Variants in PKHD1L1 observed in about 807,000 individuals in gnomAD.
PKHD1L1 encodes fibrocystin-L.
PKHD1L1 carries 434 observed loss-of-function variants against 462.9 expected under a neutral mutation model. The ratio of observed to expected loss-of-function variants is 0.94; its 90% CI spans 0.87 to 1.02. PKHD1L1 has a LOEUF of 1.02. PKHD1L1 is among the 50% of genes least tolerant of loss of function. The pLI is 0.00. For synonymous variants in PKHD1L1, 1,781 were observed against 1,750.0 expected, an observed-to-expected ratio of 1.02 and a Z score of -0.44; for missense variants, 5,202 against 5,096.1, an observed-to-expected ratio of 1.02 and a Z score of -0.63.
Position 109,435,259 on chromosome 8 carries a change from A to G in PKHD1L1, c.3410A>G (p.Asp1137Gly). Residue 1137 changes from aspartate to glycine, a missense_variant, in exon 29 of 78, where the codon GAT (aspartate) becomes GGT (glycine). By Grantham distance (94) the Asp-to-Gly change is moderately conservative. This residue lies in a region of PKHD1L1 where 4,497 missense variants were observed against 4,336.8 expected (regional missense o/e 1.04). Coordinates refer to ENST00000378402, the MANE Select transcript of PKHD1L1 (RefSeq NM_177531.6). The stretch of plus-strand genomic sequence containing the variant: ...GCCCCCGTTGCTGTGTCCATGGCTG[A>G]TGTTGGACTAGCACAGAATGTAGGG... Reference protein sequence around the residue: ...GHAPVAVSMADVGLAQNVGGE... With the variant: ...GHAPVAVSMAGVGLAQNVGGE... 2 of 1,613,886 alleles carry G rather than the reference A, an allele frequency of 1.2e-6. No individual in the cohort carries two copies. Among genetic ancestry groups the G allele is most frequent in the African/African-American group, 2.7e-5 (2 of 75,026 alleles).
rs1460955878 is a variant in PKHD1L1 at position 109,389,106 on chromosome 8, T to C, written c.651T>C (p.Asn217=). The change falls in exon 8 of 78, where the codon AAT becomes AAC. Residue 217 remains asparagine, a synonymous_variant. Transcript: ENST00000378402. ...NLYGLKLDHP[N]GDMGSMVCKT... is the part of the protein sequence containing the mutation. ...ATGGTCTAAAACTGGATCATCCAAATGGAGATATGGGTTCTATGGTTTGTA... is the reference window on the plus strand; with the variant it reads ...ATGGTCTAAAACTGGATCATCCAAACGGAGATATGGGTTCTATGGTTTGTA... 6.2e-7 allele frequency: 1 copy of C among 1,610,808 alleles called. No homozygotes were observed. The highest frequency in any genetic ancestry group is 2.2e-5 in the East Asian group (1 of 44,752).
intron 28 of PKHD1L1, among the ~76,000 whole-genome samples, chr8:109,433,833 G>A (rs1168297124): frequency 6.6e-6 from 1 of 151,984 alleles, no homozygotes; most frequent in Admixed American, 6.6e-5. Context: ...GTTCTTTTAT[G>A]CATTGTTAAG....
Position 109,443,814 on chromosome 8 carries a change from T to C in PKHD1L1, c.4703T>C (p.Ile1568Thr). ...FEVSSCFSPS[I>T]SNITPSTGTV... ...GTTTCAAGTTGTTTTTCACCATCTA[T>C]AAGCAACATTACTCCGTCCACTGGA... is the stretch of plus-strand genomic sequence containing the variant. The change falls in exon 37 of 78, where the codon ATA becomes ACA. Residue 1568 changes from isoleucine to threonine, a missense_variant. Physicochemically the swap from Ile to Thr is moderately conservative, Grantham distance 89. This residue lies in a region of PKHD1L1 where 4,497 missense variants were observed against 4,336.8 expected (regional missense o/e 1.04). Coordinates refer to ENST00000378402, the MANE Select transcript of PKHD1L1 (RefSeq NM_177531.6). 3 of 1,613,844 alleles carry C rather than the reference T, an allele frequency of 1.9e-6. No homozygotes were observed. Among genetic ancestry groups the C allele is most frequent in the Non-Finnish European group, 2.5e-6 (3 of 1,179,772 alleles).
chr8:109,493,581 T>G (rs1818935958), intron 62 of PKHD1L1, 80 bp from the exon 63 acceptor site: 1 of 795,836 alleles, frequency 1.3e-6, no homozygotes, highest in Non-Finnish European at 1.9e-6. Context: ...TTCATAAGTG[T>G]ATTGTCATAT....
intron 73 of PKHD1L1, among the ~76,000 whole-genome samples, chr8:109,519,391 G>A (rs1043485246): frequency 1.2e-4 from 19 of 152,052 alleles, no homozygotes; most frequent in African/African-American, 4.6e-4. Flanking sequence ...ATACCAAGGG[G>A]CTGTTCTGGC....
At chr8:109,369,288 T>C (rs188018311) in intron 2 of PKHD1L1, among the ~76,000 whole-genome samples, 4 of 152,222 alleles carry the variant, frequency 2.6e-5, no homozygotes, top group African/African-American at 9.6e-5. Flanking sequence ...AGAATTATAC[T>C]TTTAAGTTAA....
rs1223131937 is a variant in PKHD1L1 at position 109,498,045 on chromosome 8, A to AT, written c.10600-414dup. Among the ~76,000 whole-genome samples the AT allele has an allele frequency of 2.4e-5, 3 of 127,002 alleles. No homozygotes were observed. In the East Asian group the frequency reaches 7.3e-4, roughly 31 times the overall value. The allele number at this position is 127,002 out of a possible 152,430, so 83.3% of individuals were successfully genotyped here. On this transcript the variant is annotated intron_variant, in intron 65 of 77. Coordinates refer to ENST00000378402, the MANE Select transcript of PKHD1L1 (RefSeq NM_177531.6). ...TTTTTGAATTTATAGTTTGCATTTTATTTACTACAGTAGAATTTAGTACTA... is the reference window on the plus strand; with the variant it reads ...TTTTTGAATTTATAGTTTGCATTTTATTTTACTACAGTAGAATTTAGTACTA...
chr8:109,499,006 A>C (rs1026450801), intron 67 of PKHD1L1: 2 of 478,502 alleles, frequency 4.2e-6, no homozygotes, highest in African/African-American at 1.9e-5. Flanking sequence ...AAACAACAAC[A>C]AAACACTGGC....
intron 21 of PKHD1L1, among the ~76,000 whole-genome samples, chr8:109,416,575 T>G (rs1183446227): frequency 6.6e-6 from 1 of 152,214 alleles, no homozygotes; most frequent in Non-Finnish European, 1.5e-5. Context: ...CATTACATAG[T>G]TCAATCCTAT....
chr8:109,484,906 T>C (rs1279262411), intron 57 of PKHD1L1, 138 bp from the exon 58 acceptor site: 2 of 628,214 alleles, frequency 3.2e-6, no homozygotes, highest in Non-Finnish European at 5.1e-6. Context: ...GAGACTTCAA[T>C]GTACTGTTTA....
At chr8:109,399,729 A>T in intron 12 of PKHD1L1, among the ~76,000 whole-genome samples, 1 of 152,164 alleles carries the variant, frequency 6.6e-6, no homozygotes, top group East Asian at 1.9e-4. Flanking sequence ...AACATCAGTT[A>T]TATCATAATA....
chr8:109,469,598 T>C (rs915628332), intron 50 of PKHD1L1, among the ~76,000 whole-genome samples: 9 of 152,314 alleles, frequency 5.9e-5, no homozygotes, highest in Middle Eastern at 3.4e-3. Flanking sequence ...GCCACTTCCA[T>C]CATTCCTTAT....
chr8:109,473,895 A>G (rs1375637539), intron 50 of PKHD1L1, among the ~76,000 whole-genome samples: 1 of 152,158 alleles, frequency 6.6e-6, no homozygotes, highest in Non-Finnish European at 1.5e-5. Flanking sequence ...ATAGAGGCTT[A>G]AGAAGTCAAA....
intron 25 of PKHD1L1, among the ~76,000 whole-genome samples, chr8:109,427,564 T>C (rs1814833463): frequency 6.6e-6 from 1 of 152,168 alleles, no homozygotes; most frequent in Non-Finnish European, 1.5e-5. Context: ...TGGATACTTT[T>C]GTGGTTATAA....
chr8:109,452,878 A>C lies in PKHD1L1; in HGVS notation c.6664+4A>C, dbSNP rs1236371933. The C allele has an allele frequency of 2.1e-6, 3 of 1,406,178 alleles. No homozygotes were observed. In the South Asian group the frequency reaches 5.4e-5, roughly 25 times the overall value. 87.1% of individuals were successfully genotyped at this position (1,406,178 alleles called of 1,614,324 possible). A position where few individuals can be genotyped will look rare whatever the true frequency, so the allele number is the denominator to read the frequency against. On this transcript the variant is annotated splice_donor_region_variant and intron_variant, in intron 43 of 77. Transcript: ENST00000378402. Reference sequence around the variant, plus strand: ...TTGAAAATGTTGCTTATTCAGGGTAAATTTCTGAATATCTGTTCATTGGAC... The same window carrying C: ...TTGAAAATGTTGCTTATTCAGGGTACATTTCTGAATATCTGTTCATTGGAC...
intron 5 of PKHD1L1, 48 bp from the exon 6 acceptor site, chr8:109,385,489 A>AAG: frequency 7.8e-7 from 1 of 1,285,840 alleles, no homozygotes; most frequent in Non-Finnish European, 1.1e-6. Context: ...AAGTGTATGG[A>AAG]TAGATTTTCT....
chr8:109,448,280 C>T lies in PKHD1L1; in HGVS notation c.5914C>T (p.His1972Tyr). Reference protein sequence around the residue: ...DSVVQCIVGDHAGGTFPVMMH... With the variant: ...DSVVQCIVGDYAGGTFPVMMH... ...TGTGGTGCAGTGCATCGTGGGAGAT[C>T]ATGCTGGGGGCACATTTCCTGTTAT... is the stretch of plus-strand genomic sequence containing the variant. The change falls in exon 39 of 78, where the codon CAT (histidine) becomes TAT (tyrosine). Residue 1972 changes from histidine (H) to tyrosine (Y), a missense_variant. This residue lies in a region of PKHD1L1 where 4,497 missense variants were observed against 4,336.8 expected (regional missense o/e 1.04). Transcript: ENST00000378402. 6.2e-7 allele frequency: 1 copy of T among 1,613,606 alleles called. No individual in the cohort carries two copies. Among genetic ancestry groups the T allele is most frequent in the Non-Finnish European group, 8.5e-7 (1 of 1,179,788 alleles).
intron 50 of PKHD1L1, among the ~76,000 whole-genome samples, chr8:109,472,339 C>CT (rs1817764276): frequency 6.6e-6 from 1 of 151,992 alleles, no homozygotes; most frequent in South Asian, 2.1e-4. Context: ...TCTAAGCTTT[C>CT]TTTTTGTGGT....
chr8:109,439,544 G>T (rs1815653190), intron 32 of PKHD1L1, among the ~76,000 whole-genome samples: 1 of 152,110 alleles, frequency 6.6e-6, no homozygotes, highest in South Asian at 2.1e-4. Flanking sequence ...ACCAGGTGCA[G>T]TAAGAGTCTA....
Sources: allele counts gnomAD v4.1 joint callset (sites outside exome capture counted in the v4.1 genomes callset), GRCh38; gene constraint gnomAD v4.1.1; regional missense constraint gnomAD v4.1.1; transcripts MANE v1.5; gene names NCBI Gene and HGNC (gene_info 2026-07-23, HGNC 2026-07-21).